The following PSMF1 variants were observed in gnomAD, a reference collection of about 807,000 sequenced individuals.
The protein encoded by PSMF1 is proteasome inhibitor subunit 1.
A neutral mutation model predicts 29.3 loss-of-function variants in PSMF1; 30 were observed. The observed-to-expected ratio is 1.02, with a 90% CI of 0.77 to 1.39. PSMF1 has a LOEUF of 1.39. Among genes scored for constraint, PSMF1 ranks in the 40% most tolerant of loss-of-function variants. The pLI, the probability that PSMF1 is intolerant of heterozygous loss-of-function variation, is 0.00. For synonymous variants in PSMF1, 134 were observed against 139.7 expected, an observed-to-expected ratio of 0.96 and a Z score of 0.29; for missense variants, 344 against 357.5, an observed-to-expected ratio of 0.96 and a Z score of 0.31.
chr20:1,144,030 G>A lies in PSMF1; in HGVS notation c.551+8724G>A, dbSNP rs1354882721. 4.6e-5 allele frequency among the ~76,000 whole-genome samples: 7 copies of A among 152,338 alleles called. No homozygotes were observed. In the East Asian group the frequency reaches 1.3e-3, roughly 29 times the overall value. ...TTGAACCCGGGAGGCGGAGGTTGCAGTGAGCCGAGATGGCACCACTGCTCT... is the reference window on the plus strand; with the variant it reads ...TTGAACCCGGGAGGCGGAGGTTGCAATGAGCCGAGATGGCACCACTGCTCT... On this transcript the variant is annotated intron_variant, in intron 4 of 6. Coordinates refer to ENST00000335877, the MANE Select transcript of PSMF1 (RefSeq NM_006814.5).
At chr20:1,126,517 A>G (rs913271955) in intron 2 of PSMF1, among the ~76,000 whole-genome samples, 8 of 152,170 alleles carry the variant, frequency 5.3e-5, no homozygotes, top group African/African-American at 1.9e-4. Flanking sequence ...CGTGTCAGAT[A>G]GGGTTCTTGG....
intron 4 of PSMF1, among the ~76,000 whole-genome samples, chr20:1,136,138 A>C (rs1251002908): frequency 6.6e-6 from 1 of 152,230 alleles, no homozygotes; most frequent in Non-Finnish European, 1.5e-5. Context: ...CTTTGGCAAA[A>C]TCTTTACCAA....
intron 4 of PSMF1, among the ~76,000 whole-genome samples, chr20:1,162,468 A>G (rs967443371): frequency 6.6e-6 from 1 of 152,184 alleles, no homozygotes; most frequent in Non-Finnish European, 1.5e-5. Context: ...ATCTATATAT[A>G]TTACAGAGAT....
intron 3 of PSMF1, among the ~76,000 whole-genome samples, chr20:1,131,126 G>C (rs1318441011): frequency 6.6e-6 from 1 of 152,256 alleles, no homozygotes; most frequent in Non-Finnish European, 1.5e-5. Context: ...GCCCCTCTTA[G>C]TGGGTAAGGG....
intron 4 of PSMF1, among the ~76,000 whole-genome samples, chr20:1,146,070 G>T (rs1409858588): frequency 3.3e-5 from 5 of 152,088 alleles, no homozygotes; most frequent in African/African-American, 1.2e-4. Context: ...GGATCCTAGG[G>T]TTGGGCCCCT....
At chr20:1,125,039 T>C (rs1001459187) in intron 1 of PSMF1, among the ~76,000 whole-genome samples, 1 of 152,248 alleles carries the variant, frequency 6.6e-6, no homozygotes, top group Non-Finnish European at 1.5e-5. Context: ...TTGTGTATTA[T>C]GAAATTATAA....
At position 1,125,170 on chromosome 20, in the gene PSMF1, C is replaced by T. The variant is rs548741936; in HGVS notation, c.130-328C>T. On this transcript the variant is annotated intron_variant, in intron 1 of 6. Transcript: ENST00000335877. ...CTTTGAAAAACACTACTTAGAACTT[C>T]GCAGTGTTCCTCAAGATGACTGGCT... is the stretch of plus-strand genomic sequence containing the variant. 1.4e-4 allele frequency among the ~76,000 whole-genome samples: 21 copies of T among 152,322 alleles called. No homozygotes were observed. In the East Asian group the frequency reaches 1.7e-3, roughly 13 times the overall value.
Position 1,135,402 on chromosome 20 carries a change from A to G in PSMF1, c.551+96A>G, listed in dbSNP as rs1016950939. On this transcript the variant is annotated intron_variant, in intron 4 of 6. Transcript: ENST00000335877. ...CCACTTGACCCCATCCCTGGCCCGT[A>G]TGTGTTTTCAACAAAATGATCAGTG... 10 of 1,286,274 alleles carry G rather than the reference A, an allele frequency of 7.8e-6. No homozygotes were observed. The Admixed American group carries it at 1.8e-4, about 23-fold the overall frequency. The allele number at this position is 1,286,274 out of a possible 1,614,324, so 79.7% of individuals were successfully genotyped here.
At chr20:1,136,226 C>G (rs2086304108) in intron 4 of PSMF1, among the ~76,000 whole-genome samples, 1 of 152,040 alleles carries the variant, frequency 6.6e-6, no homozygotes, top group Non-Finnish European at 1.5e-5. Flanking sequence ...TCTGATATAT[C>G]TTATTTTACC....
chr20:1,137,041 A>G (rs1302383170), intron 4 of PSMF1, among the ~76,000 whole-genome samples: 2 of 152,172 alleles, frequency 1.3e-5, no homozygotes, highest in Non-Finnish European at 2.9e-5. Flanking sequence ...GTCATTCTTC[A>G]TTTCGTGAAA....
chr20:1,156,559 C>T (rs6040197), intron 4 of PSMF1, among the ~76,000 whole-genome samples: 11,202 of 152,150 alleles, frequency 0.074, 899 homozygotes, highest in African/African-American at 0.19. Context: ...TGAATGGTTA[C>T]GAATTTCTCA....
At position 1,168,555 on chromosome 20, in the gene PSMF1, A is replaced by T. The variant is rs1316117542; in HGVS notation, c.*3475A>T. ...GTCTGTCAACCTCCGTTGTGAAGTCATGAGTCTCTTGAGACTGAAACTCCA... is the reference window on the plus strand; with the variant it reads ...GTCTGTCAACCTCCGTTGTGAAGTCTTGAGTCTCTTGAGACTGAAACTCCA... On this transcript the variant is annotated 3_prime_UTR_variant, in exon 7 of 7. Coordinates refer to ENST00000335877, the MANE Select transcript of PSMF1 (RefSeq NM_006814.5). 2.0e-5 allele frequency among the ~76,000 whole-genome samples: 3 copies of T among 152,198 alleles called. No individual in the cohort carries two copies. Among genetic ancestry groups the T allele is most frequent in the African/African-American group, 7.2e-5 (3 of 41,454 alleles).
rs2086779029 is a variant in PSMF1, at chr20:1,170,411, T to A, written c.*5331T>A. 6.6e-6 allele frequency among the ~76,000 whole-genome samples: 1 copy of A among 152,224 alleles called. No homozygotes were observed. Among genetic ancestry groups the A allele is most frequent in the Non-Finnish European group, 1.5e-5 (1 of 68,038 alleles). On this transcript the variant is annotated 3_prime_UTR_variant, in exon 7 of 7. Coordinates refer to ENST00000335877, the MANE Select transcript of PSMF1 (RefSeq NM_006814.5). ...AAGTTTTCGTTGATTTTACCCCCAG[T>A]ATCCACTCCATTCCTTTGCCCCCAT...
Position 1,164,588 on chromosome 20 carries a change from G to T in PSMF1, c.764+112G>T, listed in dbSNP as rs1021420638. On this transcript the variant is annotated intron_variant, in intron 6 of 6. Transcript: ENST00000335877. This position sits in a 1 kb window ranked among gnomAD's most constrained non-coding sequence, Gnocchi z 4.1. ...CACAGAGCTGCCGCTGCCTTCACCT[G>T]TTGCTGCCAGGAGAGTGGAGCCTCC... is the stretch of plus-strand genomic sequence containing the variant. The T allele has an allele frequency of 7.0e-7, 1 of 1,423,828 alleles. No individual in the cohort carries two copies. The highest frequency in any genetic ancestry group is 1.4e-5 in the African/African-American group (1 of 70,772). The allele number at this position is 1,423,828 out of a possible 1,614,324, so 88.2% of individuals were successfully genotyped here.
intron 4 of PSMF1, among the ~76,000 whole-genome samples, chr20:1,153,516 C>T (rs1446473401): frequency 6.6e-6 from 1 of 151,612 alleles, no homozygotes; most frequent in East Asian, 1.9e-4. Context: ...TTAGATTAGC[C>T]CACCGAGATA....
chr20:1,162,882 ATTAATATTTTAAAATATTAATAC>A (rs1243193493), intron 4 of PSMF1, among the ~76,000 whole-genome samples: 17 of 152,220 alleles, frequency 1.1e-4, no homozygotes, highest in African/African-American at 2.9e-4. Flanking sequence ...GGTTACCAAT[ATTAATATTTTAAAATATTAATAC>A]TTAATATTTT....
chr20:1,162,993 A>C, intron 4 of PSMF1, 137 bp from the exon 5 acceptor site: 1 of 844,918 alleles, frequency 1.2e-6, no homozygotes. Flanking sequence ...ATCTGAGCCA[A>C]GGACCACCCT....
chr20:1,118,751 A>G lies in PSMF1; in HGVS notation c.-23A>G. The G allele has an allele frequency of 6.2e-7, 1 of 1,606,576 alleles. No homozygotes were observed. Among genetic ancestry groups the G allele is most frequent in the Non-Finnish European group, 8.5e-7 (1 of 1,175,520 alleles). ...CTACCCCCGCCCCCTTCTTTCCTCC[A>G]GACGCCGAAGTCGCGGGCGCTCATG... On this transcript the variant is annotated 5_prime_UTR_variant, in exon 1 of 7. Transcript: ENST00000335877.
chr20:1,160,628 C>A, intron 4 of PSMF1: 1 of 508,776 alleles, frequency 2.0e-6, no homozygotes. Flanking sequence ...ATGGCTCCAG[C>A]ATGTGCAAAG....
Sources: allele counts gnomAD v4.1 joint callset (sites outside exome capture counted in the v4.1 genomes callset), GRCh38; gene constraint gnomAD v4.1.1; non-coding constraint Gnocchi (gnomAD v3.1); transcripts MANE v1.5; gene names NCBI Gene and HGNC (gene_info 2026-07-23, HGNC 2026-07-21).